KIT: variants seen among roughly 807,000 people sequenced by gnomAD.
The protein encoded by KIT is mast/stem cell growth factor receptor Kit.
KIT carries 16 observed loss-of-function variants against 105.7 expected under a neutral mutation model. That is an observed-to-expected ratio of 0.15 (90% CI 0.10 to 0.23). The LOEUF (loss-of-function observed/expected upper bound fraction) is 0.23, where lower values mean the gene tolerates loss of function less well. KIT is among the 10% of genes least tolerant of loss of function. KIT has a pLI of 1.00. For missense variants in KIT, 858 were observed against 1,213.8 expected (o/e 0.71, Z 4.36); for synonymous variants, 438 against 441.1 (o/e 0.99, Z 0.09).
rs2109671872 is a variant in KIT at position 54,698,308 on chromosome 4, A to T, written c.362A>T (p.Asp121Val). ...VRDPAKLFLV[D>V]RSLYGKEDND... ...GATCCTGCCAAGCTTTTCCTTGTTG[A>T]CCGCTCCTTGTATGGGAAAGAAGAC... is the stretch of plus-strand genomic sequence containing the variant. Residue 121 changes from aspartate (D) to valine (V), a missense_variant, in exon 3 of 21, where the codon GAC becomes GTC. This residue lies in a region of KIT where 401 missense variants were observed against 601.0 expected (regional missense o/e 0.67). Coordinates refer to ENST00000288135, the MANE Select transcript of KIT (RefSeq NM_000222.3). 1 of 1,613,906 alleles carries T rather than the reference A, an allele frequency of 6.2e-7. No homozygotes were observed. Among genetic ancestry groups the T allele is most frequent in the Non-Finnish European group, 8.5e-7 (1 of 1,179,920 alleles).
At chr4:54,668,186 C>G (rs1717837616) in intron 1 of KIT, among the ~76,000 whole-genome samples, 1 of 152,116 alleles carries the variant, frequency 6.6e-6, no homozygotes, top group Admixed American at 6.5e-5. Flanking sequence ...CTATTAGGGG[C>G]ACACTGGTGG....
intron 2 of KIT, among the ~76,000 whole-genome samples, chr4:54,696,115 A>G (rs1350729377): frequency 6.6e-6 from 1 of 151,972 alleles, no homozygotes; most frequent in Admixed American, 6.6e-5. Flanking sequence ...GAGATACTAG[A>G]TACTCCCACT....
chr4:54,686,228 A>AC (rs201581725), intron 1 of KIT, among the ~76,000 whole-genome samples: 2,289 of 152,280 alleles, frequency 0.015, 66 homozygotes, highest in African/African-American at 0.052. Context: ...TTAAAAAAAA[A>AC]AACTAAATAT....
In KIT at chr4:54,729,326, T is replaced by C. The variant is rs2109785757; in HGVS notation, c.1991-9T>C. 1 of 1,613,314 alleles carries C rather than the reference T, an allele frequency of 6.2e-7. No individual in the cohort carries two copies. The highest frequency in any genetic ancestry group is 8.5e-7 in the Non-Finnish European group (1 of 1,179,592). On this transcript the variant is annotated splice_polypyrimidine_tract_variant and intron_variant, in intron 13 of 20. Transcript: ENST00000288135. ...ACCTTCTTTCTAACCTTTTCTTATG[T>C]GCTTTTAGGGCCCACCCTGGTCATT...
intron 1 of KIT, among the ~76,000 whole-genome samples, chr4:54,690,282 C>A (rs2109641167): frequency 6.6e-6 from 1 of 152,284 alleles, no homozygotes. Context: ...ATGAGGGAGA[C>A]ATAGCAAGTA....
At chr4:54,711,620 A>C (rs1721163734) in intron 7 of KIT, among the ~76,000 whole-genome samples, 1 of 152,344 alleles carries the variant, frequency 6.6e-6, no homozygotes, top group Admixed American at 6.5e-5. Context: ...AATGTGAATC[A>C]GAAAGTAATA....
chr4:54,664,438 G>A (rs188321918), intron 1 of KIT, among the ~76,000 whole-genome samples: 1 of 152,100 alleles, frequency 6.6e-6, no homozygotes, highest in East Asian at 1.9e-4. Flanking sequence ...ACTAGTCCAG[G>A]GCTGCCTGTT....
At chr4:54,729,520 C>T (rs1242646947) in intron 14 of KIT, 35 bp downstream of exon 14, 1 of 1,607,322 alleles carries the variant, frequency 6.2e-7, no homozygotes, top group Non-Finnish European at 8.5e-7. Flanking sequence ...TAGCTGTTGA[C>T]AGGCAGTTCA....
At chr4:54,726,564 G>A (rs1467580761) in intron 9 of KIT, among the ~76,000 whole-genome samples, 4 of 152,086 alleles carry the variant, frequency 2.6e-5, no homozygotes, top group Non-Finnish European at 5.9e-5. Flanking sequence ...AGATCTTTTG[G>A]GCAAACTGAT....
At chr4:54,718,888 G>A (rs182598981) in intron 7 of KIT, among the ~76,000 whole-genome samples, 1 of 152,110 alleles carries the variant, frequency 6.6e-6, no homozygotes, top group Admixed American at 6.6e-5. Context: ...TTTTTAAAAA[G>A]TATAATATTC....
intron 5 of KIT, among the ~76,000 whole-genome samples, chr4:54,705,793 G>A (rs6835928): frequency 0.028 from 4,219 of 152,212 alleles, 190 homozygotes; most frequent in African/African-American, 0.097. Context: ...GAGGCAGGAG[G>A]ATTGCTTGAG....
chr4:54,730,042 T>A (rs897012257), intron 14 of KIT, among the ~76,000 whole-genome samples: 2 of 152,202 alleles, frequency 1.3e-5, no homozygotes, highest in Non-Finnish European at 2.9e-5. Flanking sequence ...GCACATTTTT[T>A]AAAAATTCTG....
At chr4:54,688,707 A>T (rs1289799699) in intron 1 of KIT, among the ~76,000 whole-genome samples, 1 of 152,094 alleles carries the variant, frequency 6.6e-6, no homozygotes, top group African/African-American at 2.4e-5. Context: ...AGTCTCAACT[A>T]GTCTGTGAAT....
intron 1 of KIT, among the ~76,000 whole-genome samples, chr4:54,667,667 GGGATAATTTTTAGGGCACCT>G (rs1330994271): frequency 1.3e-5 from 2 of 152,158 alleles, no homozygotes; most frequent in African/African-American, 4.8e-5. Flanking sequence ...AAGATGAGAT[GGGATAATTTTTAGGGCACCT>G]GGATTTTTAT....
intron 7 of KIT, among the ~76,000 whole-genome samples, chr4:54,720,118 G>A (rs1298499353): frequency 6.6e-6 from 1 of 152,134 alleles, no homozygotes; most frequent in East Asian, 1.9e-4. Context: ...TTTGATAAGG[G>A]TTCCTTAAAG....
Position 54,695,790 on chromosome 4 carries a change from T to G in KIT, c.337+9T>G, listed in dbSNP as rs1553887358. 1.2e-6 allele frequency: 2 copies of G among 1,614,216 alleles called. No individual in the cohort carries two copies. The highest frequency in any genetic ancestry group is 3.3e-5 in the Admixed American group (2 of 60,024). ...TTATGTGTTTGTTAGAGGTAAATGC[T>G]TGGCTTTCTGCAGTGCTGTGCTTTC... On this transcript the variant is annotated intron_variant, in intron 2 of 20. Transcript: ENST00000288135.
chr4:54,685,818 C>G (rs920083632), intron 1 of KIT, among the ~76,000 whole-genome samples: 8 of 152,190 alleles, frequency 5.3e-5, no homozygotes, highest in African/African-American at 1.7e-4. Flanking sequence ...CCTCTTCTAC[C>G]CCTCAGCCTG....
At chr4:54,719,993 A>G (rs749469989) in intron 7 of KIT, among the ~76,000 whole-genome samples, 1 of 152,140 alleles carries the variant, frequency 6.6e-6, no homozygotes, top group Non-Finnish European at 1.5e-5. Context: ...AAAGGCACCT[A>G]GAGTGTGAAA....
At chr4:54,698,650 G>A in intron 3 of KIT, 85 bp downstream of exon 3, 1 of 1,453,254 alleles carries the variant, frequency 6.9e-7, no homozygotes. Context: ...CCACCTTAGT[G>A]TAGTCAATCA....
Sources: allele counts gnomAD v4.1 joint callset (sites outside exome capture counted in the v4.1 genomes callset), GRCh38; gene constraint gnomAD v4.1.1; regional missense constraint gnomAD v4.1.1; transcripts MANE v1.5; gene names NCBI Gene and HGNC (gene_info 2026-07-23, HGNC 2026-07-21).